Variants in GALNT17 observed in about 807,000 individuals in gnomAD.
GALNT17 encodes polypeptide N-acetylgalactosaminyltransferase 17.
GALNT17 carries 29 observed loss-of-function variants against 63.7 expected under a neutral mutation model. The ratio of observed to expected loss-of-function variants is 0.46; its 90% confidence interval spans 0.34 to 0.62. The LOEUF (loss-of-function observed/expected upper bound fraction) is 0.62, where lower values mean the gene tolerates loss of function less well. Among genes scored for constraint, GALNT17 ranks in the 20% least tolerant of loss-of-function variants. The pLI is 0.01. For synonymous variants in GALNT17, 305 were observed against 318.3 expected, an observed-to-expected ratio of 0.96 and a Z score of 0.45; for missense variants, 603 against 799.6, an observed-to-expected ratio of 0.75 and a Z score of 2.97.
Position 71,221,827 on chromosome 7 carries a change from T to TA in GALNT17, c.238+88788dup, listed in dbSNP as rs149559827. 9.5e-3 allele frequency among the ~76,000 whole-genome samples: 1,440 copies of TA among 152,198 alleles called. 23 individuals are homozygous for TA. The highest frequency in any genetic ancestry group is 0.033 in the African/African-American group (1,377 of 41,526). ...AGAGAGTTCCCTAATGGTAACATCT[T>TA]ACGTAACTGTGGTATGATGGTCAAA... On this transcript the variant is annotated intron_variant, in intron 1 of 10. Transcript: ENST00000333538.
At chr7:71,173,330 C>T (rs745575922) in intron 1 of GALNT17, among the ~76,000 whole-genome samples, 3 of 152,052 alleles carry the variant, frequency 2.0e-5, no homozygotes, top group Non-Finnish European at 2.9e-5. Context: ...GGGGTCATAG[C>T]GTGACTGGAG....
chr7:71,343,124 A>T (rs1792034859), intron 2 of GALNT17, among the ~76,000 whole-genome samples: 1 of 152,242 alleles, frequency 6.6e-6, no homozygotes. Context: ...TCTTCATTGC[A>T]AACTAATCCT....
chr7:71,168,995 G>C (rs1788496958), intron 1 of GALNT17, among the ~76,000 whole-genome samples: 1 of 152,112 alleles, frequency 6.6e-6, no homozygotes, highest in Non-Finnish European at 1.5e-5. Flanking sequence ...CCCTGGCCCT[G>C]TGAGAGTCCA....
chr7:71,528,098 G>T (rs1434226526), intron 5 of GALNT17, among the ~76,000 whole-genome samples: 2 of 152,142 alleles, frequency 1.3e-5, no homozygotes, highest in Non-Finnish European at 2.9e-5. Context: ...CTATGGTACA[G>T]AATTATCGAA....
chr7:71,397,198 C>T (rs1270528176), intron 3 of GALNT17, among the ~76,000 whole-genome samples: 1 of 152,084 alleles, frequency 6.6e-6, no homozygotes, highest in Non-Finnish European at 1.5e-5. Context: ...AGAACATTCA[C>T]CCATATACCT....
intron 1 of GALNT17, among the ~76,000 whole-genome samples, chr7:71,234,302 C>T (rs189100480): frequency 6.6e-6 from 1 of 152,154 alleles, no homozygotes; most frequent in Non-Finnish European, 1.5e-5. Context: ...CACTCTGTCG[C>T]CCAGGCTGGA....
intron 1 of GALNT17, among the ~76,000 whole-genome samples, chr7:71,280,344 G>A (rs1790758252): frequency 6.6e-6 from 1 of 152,220 alleles, no homozygotes; most frequent in African/African-American, 2.4e-5. Flanking sequence ...GCTTCAAGAA[G>A]TGCTAAGGAG....
chr7:71,494,090 G>T (rs565176979), intron 5 of GALNT17, among the ~76,000 whole-genome samples: 2 of 152,100 alleles, frequency 1.3e-5, no homozygotes, highest in Non-Finnish European at 2.9e-5. Flanking sequence ...ACTTGGCTGG[G>T]GAGGCCTCAG....
At chr7:71,630,964 G>C (rs764095288) in intron 6 of GALNT17, among the ~76,000 whole-genome samples, 1 of 152,198 alleles carries the variant, frequency 6.6e-6, no homozygotes, top group Non-Finnish European at 1.5e-5. Context: ...TCATTCAGTT[G>C]TTCAATGAGC....
intron 5 of GALNT17, among the ~76,000 whole-genome samples, chr7:71,428,858 C>A (rs1358962384): frequency 6.6e-6 from 1 of 152,210 alleles, no homozygotes; most frequent in Non-Finnish European, 1.5e-5. Context: ...CCAGGGCTCC[C>A]CTGTGTTCCA....
At chr7:71,406,550 T>C (rs904603654) in intron 3 of GALNT17, among the ~76,000 whole-genome samples, 1 of 152,176 alleles carries the variant, frequency 6.6e-6, no homozygotes, top group African/African-American at 2.4e-5. Context: ...ATGAGCAGAA[T>C]ATGCAACCGA....
intron 5 of GALNT17, among the ~76,000 whole-genome samples, chr7:71,483,445 G>A (rs1050602506): frequency 6.6e-6 from 1 of 151,792 alleles, no homozygotes; most frequent in Non-Finnish European, 1.5e-5. Flanking sequence ...ACTCCAGCCT[G>A]GGCAACAGAG....
chr7:71,683,079 T>C (rs938983259), intron 9 of GALNT17, among the ~76,000 whole-genome samples: 1 of 152,100 alleles, frequency 6.6e-6, no homozygotes, highest in South Asian at 2.1e-4. Flanking sequence ...GCTCCTGCCA[T>C]GGAGCTGATT....
chr7:71,649,312 G>T (rs150194783), intron 6 of GALNT17, among the ~76,000 whole-genome samples: 132 of 152,294 alleles, frequency 8.7e-4, no homozygotes, highest in African/African-American at 2.9e-3. Flanking sequence ...TTTCCATTGT[G>T]CCATAACACA....
intron 9 of GALNT17, among the ~76,000 whole-genome samples, chr7:71,704,958 G>A (rs1348294393): frequency 6.6e-6 from 1 of 152,006 alleles, no homozygotes; most frequent in Non-Finnish European, 1.5e-5. Flanking sequence ...TTTTGCAATG[G>A]TTTCTTAGAT....
chr7:71,151,644 AAAAG>A, intron 1 of GALNT17, among the ~76,000 whole-genome samples: 1 of 151,810 alleles, frequency 6.6e-6, no homozygotes, highest in East Asian at 1.9e-4. Context: ...AAAAAAAAAA[AAAAG>A]AAAATAGCCT....
intron 1 of GALNT17, chr7:71,300,482 T>C (rs995111775): frequency 2.2e-6 from 1 of 450,518 alleles, no homozygotes; most frequent in Non-Finnish European, 4.4e-6. Flanking sequence ...TTCATGAGCT[T>C]GGACAGGATA....
chr7:71,179,158 T>G (rs1024348581), intron 1 of GALNT17, among the ~76,000 whole-genome samples: 3 of 152,174 alleles, frequency 2.0e-5, no homozygotes, highest in Non-Finnish European at 4.4e-5. Flanking sequence ...CAAGCCTGCC[T>G]CCCATTTATT....
intron 4 of GALNT17, among the ~76,000 whole-genome samples, chr7:71,419,103 A>G (rs1786610870): frequency 6.6e-6 from 1 of 152,150 alleles, no homozygotes; most frequent in Non-Finnish European, 1.5e-5. Flanking sequence ...AAGAAATATC[A>G]TTGGAACCAA....
Sources: allele counts gnomAD v4.1 joint callset (sites outside exome capture counted in the v4.1 genomes callset), GRCh38; gene constraint gnomAD v4.1.1; transcripts MANE v1.5; gene names NCBI Gene and HGNC (gene_info 2026-07-23, HGNC 2026-07-21).